TRAPPC9: variants seen among roughly 807,000 people sequenced by gnomAD.
The protein encoded by TRAPPC9 is trafficking protein particle complex subunit 9.
Under a neutral mutation model 124.0 loss-of-function variants are expected in TRAPPC9, and 83 were observed. The observed-to-expected ratio is 0.67, with a 90% confidence interval of 0.56 to 0.80. The LOEUF (loss-of-function observed/expected upper bound fraction) is 0.80, where lower values mean the gene tolerates loss of function less well. Ranked by LOEUF, TRAPPC9 falls within the 30% of genes least tolerant of loss-of-function variation. The probability of loss-of-function intolerance (pLI) is 0.00; values close to 1 mark genes in which losing one functional copy is unlikely to be tolerated. For missense variants in TRAPPC9, 1,302 were observed against 1,508.3 expected, an observed-to-expected ratio of 0.86 and a Z score of 2.27; for synonymous variants, 638 against 617.5, an observed-to-expected ratio of 1.03 and a Z score of -0.49.
At chr8:140,404,464 A>G (rs534299103) in intron 6 of TRAPPC9, among the ~76,000 whole-genome samples, 1 of 152,328 alleles carries the variant, frequency 6.6e-6, no homozygotes, top group African/African-American at 2.4e-5. Flanking sequence ...TGATGAATAC[A>G]TGACTACATC....
chr8:139,739,642 G>A (rs1172150060), intron 21 of TRAPPC9, among the ~76,000 whole-genome samples: 2 of 152,218 alleles, frequency 1.3e-5, no homozygotes, highest in Non-Finnish European at 2.9e-5. Context: ...CTGCCAGAAA[G>A]GTTGTCCCTG....
chr8:140,114,957 T>C (rs1298104450), intron 17 of TRAPPC9, among the ~76,000 whole-genome samples: 1 of 152,154 alleles, frequency 6.6e-6, no homozygotes, highest in Non-Finnish European at 1.5e-5. Context: ...GGGTCTGTGC[T>C]AGACCATGGA....
intron 19 of TRAPPC9, among the ~76,000 whole-genome samples, chr8:139,925,866 G>C (rs955080122): frequency 6.6e-6 from 1 of 151,598 alleles, no homozygotes; most frequent in Non-Finnish European, 1.5e-5. Flanking sequence ...TTACCTCTGA[G>C]TTATGTACAG....
intron 15 of TRAPPC9, among the ~76,000 whole-genome samples, chr8:140,272,706 C>A (rs773508156): frequency 1.3e-5 from 2 of 151,934 alleles, no homozygotes; most frequent in Admixed American, 6.6e-5. Flanking sequence ...GAGGGCAAAG[C>A]GGGAGCAGGC....
At position 140,451,142 on chromosome 8, in the gene TRAPPC9, C is replaced by A; in HGVS notation, c.232G>T (p.Val78Leu). The change falls in exon 2 of 23, where the codon GTG becomes TTG. Residue 78 changes from valine to leucine, a missense_variant. Transcript: ENST00000438773. ...CAGTCTGTGATGGTGATGAGGCCCA[C>A]GACTTTGCGGTGGGTCTGGAAGTCA... ...WGDFQTHRKVVGLITITDCFS... is the reference protein window; with the variant it reads ...WGDFQTHRKVLGLITITDCFS... The A allele has an allele frequency of 1.2e-6, 2 of 1,614,038 alleles. No individual in the cohort carries two copies. The highest frequency in any genetic ancestry group is 1.7e-6 in the Non-Finnish European group (2 of 1,179,994).
At chr8:139,814,029 G>A (rs1445964790) in intron 21 of TRAPPC9, among the ~76,000 whole-genome samples, 1 of 152,176 alleles carries the variant, frequency 6.6e-6, no homozygotes, top group Non-Finnish European at 1.5e-5. Flanking sequence ...CAGTCCAGCT[G>A]ACTCAAAAGT....
rs563156721 is a variant in TRAPPC9, at chr8:140,442,789, C to A, written c.585-3592G>T. Among the ~76,000 whole-genome samples the A allele has an allele frequency of 3.3e-5, 5 of 152,038 alleles. 1 individual carries two copies. Among genetic ancestry groups the A allele is most frequent in the Middle Eastern group, 6.8e-3 (2 of 294 alleles). ...AGTTTGCAATTAAAATCCAAGGGAA[C>A]CTGGATAGAGAGAATCTCTTTTGCA... is the stretch of plus-strand genomic sequence containing the variant. On this transcript the variant is annotated intron_variant, in intron 2 of 22. Transcript: ENST00000438773.
At chr8:139,744,080 T>A (rs1818733027) in intron 21 of TRAPPC9, among the ~76,000 whole-genome samples, 1 of 152,222 alleles carries the variant, frequency 6.6e-6, no homozygotes, top group South Asian at 2.1e-4. Flanking sequence ...CAGGTACGCA[T>A]GAACACGCAC....
chr8:139,995,909 A>G (rs1837935275), intron 18 of TRAPPC9, among the ~76,000 whole-genome samples: 1 of 150,960 alleles, frequency 6.6e-6, no homozygotes, highest in African/African-American at 2.4e-5. Context: ...TCAGTATTCA[A>G]ACAAGATCCC....
At chr8:139,806,007 G>C (rs1440899106) in intron 21 of TRAPPC9, 1 of 152,238 alleles carries the variant, frequency 6.6e-6, no homozygotes, top group Non-Finnish European at 1.5e-5. Flanking sequence ...AGGAAGCCCC[G>C]AGCTCTCAGT....
intron 15 of TRAPPC9, among the ~76,000 whole-genome samples, chr8:140,253,133 G>A (rs943052500): frequency 6.6e-6 from 1 of 152,162 alleles, no homozygotes; most frequent in Non-Finnish European, 1.5e-5. Context: ...GAGGCACAGG[G>A]AGGAGGAAGA....
At chr8:140,120,773 C>CCATT (rs1007396344) in intron 17 of TRAPPC9, among the ~76,000 whole-genome samples, 6 of 150,804 alleles carry the variant, frequency 4.0e-5, no homozygotes, top group African/African-American at 1.5e-4. Context: ...CAACATCCAT[C>CCATT]CATTCATTCA....
At chr8:140,383,687 T>C (rs2068676652) in intron 7 of TRAPPC9, among the ~76,000 whole-genome samples, 1 of 152,172 alleles carries the variant, frequency 6.6e-6, no homozygotes, top group South Asian at 2.1e-4. Context: ...CAACGTTTGA[T>C]TGGTGTACCT....
intron 21 of TRAPPC9, among the ~76,000 whole-genome samples, chr8:139,814,641 G>T (rs1303523974): frequency 6.6e-6 from 1 of 152,076 alleles, no homozygotes; most frequent in African/African-American, 2.4e-5. Context: ...ATAAGTAGCA[G>T]GGCTAGAACC....
At chr8:140,258,029 G>A (rs2131537461) in intron 15 of TRAPPC9, among the ~76,000 whole-genome samples, 1 of 152,338 alleles carries the variant, frequency 6.6e-6, no homozygotes, top group African/African-American at 2.4e-5. Flanking sequence ...TGGGCAAACA[G>A]GCCAGTGACC....
At chr8:139,847,754 C>T (rs113924440) in intron 21 of TRAPPC9, among the ~76,000 whole-genome samples, 1,552 of 151,082 alleles carry the variant, frequency 0.01, 22 homozygotes, top group African/African-American at 0.036. Flanking sequence ...CAGATGGGCA[C>T]GAGCACCTGC....
intron 9 of TRAPPC9, among the ~76,000 whole-genome samples, chr8:140,351,264 C>T (rs542193015): frequency 2.0e-3 from 299 of 151,158 alleles, no homozygotes; most frequent in South Asian, 4.6e-3. Context: ...GAGACAAAGA[C>T]GGCCAAATCC....
intron 21 of TRAPPC9, among the ~76,000 whole-genome samples, chr8:139,856,601 G>A (rs1191218023): frequency 6.6e-6 from 1 of 152,144 alleles, no homozygotes; most frequent in Non-Finnish European, 1.5e-5. Flanking sequence ...GGCGGGGGGT[G>A]GCGTGCAAAA....
intron 21 of TRAPPC9, among the ~76,000 whole-genome samples, chr8:139,836,940 G>A (rs181467328): frequency 1.4e-4 from 21 of 152,184 alleles, no homozygotes; most frequent in East Asian, 1.2e-3. Flanking sequence ...TGGGTTTGTC[G>A]TTGTTGTTGT....
Sources: allele counts gnomAD v4.1 joint callset (sites outside exome capture counted in the v4.1 genomes callset), GRCh38; gene constraint gnomAD v4.1.1; transcripts MANE v1.5; gene names NCBI Gene and HGNC (gene_info 2026-07-23, HGNC 2026-07-21).